The following LIPC variants were observed in gnomAD, a reference collection of about 807,000 sequenced individuals.
LIPC encodes the protein hepatic triacylglycerol lipase.
A neutral mutation model predicts 50.7 loss-of-function variants in LIPC; 44 were observed. The observed-to-expected ratio is 0.87, with a 90% CI of 0.68 to 1.11. The LOEUF (loss-of-function observed/expected upper bound fraction) is 1.11. LIPC is among the 50% of genes most tolerant of loss of function. The probability of loss-of-function intolerance (pLI) is 0.00; values close to 1 mark genes in which losing one functional copy is unlikely to be tolerated. For synonymous variants in LIPC, 271 were observed against 256.4 expected, an observed-to-expected ratio of 1.06 and a Z score of -0.54; for missense variants, 697 against 648.2, an observed-to-expected ratio of 1.08 and a Z score of -0.82.
rs1277616940 is a variant in LIPC, at chr15:58,494,368, G to C, written c.89-43965G>C. ...GGCCATTTGAAGGGTGGTTACTCCA[G>C]CAGGTACAGAGTATGGTGAGCCCAC... On this transcript the variant is annotated intron_variant, in intron 1 of 8. Coordinates refer to ENST00000299022, the MANE Select transcript of LIPC (RefSeq NM_000236.3). Among the ~76,000 whole-genome samples, 3 of 152,232 alleles carry C rather than the reference G, an allele frequency of 2.0e-5. No individual in the cohort carries two copies. The East Asian group carries it at 5.8e-4, about 29-fold the overall frequency.
At chr15:58,472,599 G>T (rs7180625) in intron 1 of LIPC, among the ~76,000 whole-genome samples, 45,614 of 147,190 alleles carry the variant, frequency 0.31, 7,232 homozygotes, top group Admixed American at 0.38. Context: ...AAAAAATCTT[G>T]CCCCTTCCCT....
chr15:58,495,778 G>A (rs1891743524), intron 1 of LIPC, among the ~76,000 whole-genome samples: 1 of 152,102 alleles, frequency 6.6e-6, no homozygotes, highest in Non-Finnish European at 1.5e-5. Context: ...TTAATCACAG[G>A]CCCTGTTTAT....
chr15:58,471,330 G>GC (rs1894794549), intron 1 of LIPC, among the ~76,000 whole-genome samples: 2 of 118,334 alleles, frequency 1.7e-5, no homozygotes, highest in Non-Finnish European at 3.6e-5. Context: ...AGTAGAGATG[G>GC]GGGGGGGTGG....
intron 1 of LIPC, among the ~76,000 whole-genome samples, chr15:58,493,387 G>A (rs1891649622): frequency 6.6e-6 from 1 of 151,922 alleles, no homozygotes; most frequent in Non-Finnish European, 1.5e-5. Flanking sequence ...AAACAGACAA[G>A]AAATAAAGAC....
chr15:58,438,336 C>G (rs1893380193), intron 1 of LIPC, among the ~76,000 whole-genome samples: 1 of 152,130 alleles, frequency 6.6e-6, no homozygotes, highest in Non-Finnish European at 1.5e-5. Flanking sequence ...CCCTGACAGC[C>G]ACGGGCTCCA....
chr15:58,522,828 A>C (rs16940436), intron 1 of LIPC: 7,135 of 152,402 alleles, frequency 0.047, 578 homozygotes, highest in African/African-American at 0.16. Flanking sequence ...AAGACTTCTC[A>C]GTTTCCTCCA....
Position 58,563,555 on chromosome 15 carries a change from A to T in LIPC, c.1220A>T (p.Asp407Val), listed in dbSNP as rs1566953380. The T allele has an allele frequency of 6.2e-7, 1 of 1,614,154 alleles. No individual in the cohort carries two copies. Among genetic ancestry groups the T allele is most frequent in the South Asian group, 1.1e-5 (1 of 91,078 alleles). Residue 407 changes from aspartate to valine, a missense_variant, in exon 8 of 9, where the codon GAT (aspartate) becomes GTT (valine). Coordinates refer to ENST00000299022, the MANE Select transcript of LIPC (RefSeq NM_000236.3). ...ACGTATTCCTTTCTTATCACGCTGG[A>T]TGTGGATATCGGCGAGCTGATCATG... ...NKTYSFLITLDVDIGELIMIK... is the reference protein window; with the variant it reads ...NKTYSFLITLVVDIGELIMIK...
intron 4 of LIPC, among the ~76,000 whole-genome samples, chr15:58,543,427 C>G (rs1325851603): frequency 6.6e-6 from 1 of 152,072 alleles, no homozygotes; most frequent in African/African-American, 2.4e-5. Context: ...TTCAACGACA[C>G]AAGGTTTTTC....
chr15:58,508,524 G>A (rs927418376), intron 1 of LIPC, among the ~76,000 whole-genome samples: 1 of 152,086 alleles, frequency 6.6e-6, no homozygotes, highest in African/African-American at 2.4e-5. Flanking sequence ...TTCCTAGCTG[G>A]TTCTTTTCCT....
intron 1 of LIPC, 38 bp from the exon 2 acceptor site, chr15:58,538,295 A>T: frequency 1.2e-6 from 2 of 1,606,146 alleles, no homozygotes; most frequent in South Asian, 1.1e-5. Flanking sequence ...GATGAAGCAG[A>T]TGCCAGGCTA....
intron 6 of LIPC, among the ~76,000 whole-genome samples, chr15:58,551,254 T>A (rs780725294): frequency 2.4e-4 from 36 of 152,170 alleles, no homozygotes; most frequent in Admixed American, 7.2e-4. Context: ...AAGTAACGTC[T>A]CTGTGGTCAC....
At chr15:58,517,194 C>T (rs764103755) in intron 1 of LIPC, among the ~76,000 whole-genome samples, 3 of 152,264 alleles carry the variant, frequency 2.0e-5, no homozygotes, top group Non-Finnish European at 4.4e-5. Context: ...CCTCACCTCA[C>T]TCTCCTGTGT....
intron 1 of LIPC, among the ~76,000 whole-genome samples, chr15:58,489,218 G>GGGGGGGGGGA (rs1555400837): frequency 3.1e-5 from 1 of 32,654 alleles, no homozygotes; most frequent in African/African-American, 1.1e-4. Context: ...ATTTTGTTGC[G>GGGGGGGGGGA]GGGGCGGGGG....
chr15:58,563,524 A>G lies in LIPC; in HGVS notation c.1189A>G (p.Asn397Asp). 6.2e-7 allele frequency: 1 copy of G among 1,614,072 alleles called. No homozygotes were observed. Among genetic ancestry groups the G allele is most frequent in the Non-Finnish European group, 8.5e-7 (1 of 1,179,930 alleles). Reference protein sequence around the residue: ...PITLGKGIASNKTYSFLITLD... With the variant: ...PITLGKGIASDKTYSFLITLD... ...TTCAAGGGGCAAAGGAATTGCTAGTAATAAAACGTATTCCTTTCTTATCAC... is the reference window on the plus strand; with the variant it reads ...TTCAAGGGGCAAAGGAATTGCTAGTGATAAAACGTATTCCTTTCTTATCAC... The change falls in exon 8 of 9, where the codon AAT becomes GAT. Residue 397 changes from asparagine (N) to aspartate (D), a missense_variant. Transcript: ENST00000299022.
At chr15:58,495,479 G>GC in intron 1 of LIPC, among the ~76,000 whole-genome samples, 1 of 152,340 alleles carries the variant, frequency 6.6e-6, no homozygotes, top group African/African-American at 2.4e-5. Context: ...AAGGCTTGGT[G>GC]CTGGAAATTT....
intron 1 of LIPC, among the ~76,000 whole-genome samples, chr15:58,440,132 A>T (rs1014082601): frequency 6.6e-6 from 1 of 152,222 alleles, no homozygotes; most frequent in Admixed American, 6.5e-5. Flanking sequence ...TCTACATGCT[A>T]AAAAGAAAGC....
At chr15:58,565,026 C>T (rs1326272401) in intron 8 of LIPC, among the ~76,000 whole-genome samples, 10 of 152,200 alleles carry the variant, frequency 6.6e-5, no homozygotes, top group African/African-American at 2.2e-4. Context: ...GAACTACCCT[C>T]TTCCGTCACC....
intron 1 of LIPC, among the ~76,000 whole-genome samples, chr15:58,450,103 G>T (rs781510305): frequency 6.6e-6 from 1 of 152,194 alleles, no homozygotes; most frequent in Non-Finnish European, 1.5e-5. Flanking sequence ...ATGATCTGGG[G>T]CAAGAGTCAA....
At chr15:58,508,308 T>C (rs2140852098) in intron 1 of LIPC, among the ~76,000 whole-genome samples, 1 of 152,164 alleles carries the variant, frequency 6.6e-6, no homozygotes, top group East Asian at 1.9e-4. Flanking sequence ...CAAAGCACCA[T>C]ATTTTGGGGT....
Sources: allele counts gnomAD v4.1 joint callset (sites outside exome capture counted in the v4.1 genomes callset), GRCh38; gene constraint gnomAD v4.1.1; transcripts MANE v1.5; gene names NCBI Gene and HGNC (gene_info 2026-07-23, HGNC 2026-07-21).